OLFM2: variants seen among roughly 807,000 people sequenced by gnomAD.
OLFM2 encodes the protein noelin-2.
A neutral mutation model predicts 43.9 loss-of-function variants in OLFM2; 20 were observed. The observed-to-expected ratio is 0.46, with a 90% CI of 0.32 to 0.66. OLFM2 has a LOEUF of 0.66. Ranked by LOEUF, OLFM2 falls within the 30% of genes least tolerant of loss-of-function variation. The probability of loss-of-function intolerance (pLI) is 0.04; values close to 1 mark genes in which losing one functional copy is unlikely to be tolerated. For synonymous variants in OLFM2, 268 were observed against 278.6 expected, an observed-to-expected ratio of 0.96 and a Z score of 0.38; for missense variants, 416 against 643.6, an observed-to-expected ratio of 0.65 and a Z score of 3.83.
intron 1 of OLFM2, among the ~76,000 whole-genome samples, chr19:9,869,498 A>T (rs2046427074): frequency 6.6e-6 from 1 of 152,216 alleles, no homozygotes; most frequent in South Asian, 2.1e-4. Flanking sequence ...TACAATGGAC[A>T]TGATGACTAC....
intron 1 of OLFM2, among the ~76,000 whole-genome samples, chr19:9,865,485 CTTTTTTT>C (rs71188847): frequency 2.9e-4 from 21 of 73,642 alleles, no homozygotes; most frequent in South Asian, 6.4e-4. Flanking sequence ...TCTGTTTTTT[CTTTTTTT>C]TTTTTTTTTT....
intron 1 of OLFM2, among the ~76,000 whole-genome samples, chr19:9,929,527 T>G (rs2145010795): frequency 6.7e-6 from 1 of 149,392 alleles, no homozygotes; most frequent in South Asian, 2.2e-4. Flanking sequence ...ACTCGGGAGG[T>G]GGAGGTTGCA....
chr19:9,908,464 A>ATT lies in OLFM2; in HGVS notation c.63+27838_63+27839dup, dbSNP rs34305631. On this transcript the variant is annotated intron_variant, in intron 1 of 5. Transcript: ENST00000264833. ...AGGTGCCTGCCATCACACCTGGCTAATTTTTTTTTTTTTTTTTTTTTTTTT... is the reference window on the plus strand; with the variant it reads ...AGGTGCCTGCCATCACACCTGGCTAATTTTTTTTTTTTTTTTTTTTTTTTTTT... Among the ~76,000 whole-genome samples, 42 of 40,368 alleles carry ATT rather than the reference A, an allele frequency of 1.0e-3. 3 individuals are homozygous for ATT. Among genetic ancestry groups the ATT allele is most frequent in the African/African-American group, 1.3e-3 (11 of 8,244 alleles). 26.5% of individuals were successfully genotyped at this position (40,368 alleles called of 152,430 possible).
chr19:9,919,630 C>T lies in OLFM2; in HGVS notation c.63+16674G>A, dbSNP rs181471420. 8.9e-3 allele frequency among the ~76,000 whole-genome samples: 1,319 copies of T among 148,424 alleles called. 12 individuals carry two copies. Among genetic ancestry groups the T allele is most frequent in the African/African-American group, 0.031 (1,249 of 40,186 alleles). On this transcript the variant is annotated intron_variant, in intron 1 of 5. Coordinates refer to ENST00000264833, the MANE Select transcript of OLFM2 (RefSeq NM_058164.4). ...CTGAGTAGCTGGGATTACAGGTGCA[C>T]GCCACCACACCTGGCTAGTTTTTGT...
At chr19:9,931,660 C>T (rs1407115358) in intron 1 of OLFM2, among the ~76,000 whole-genome samples, 2 of 125,698 alleles carry the variant, frequency 1.6e-5, no homozygotes, top group African/African-American at 8.6e-5. Flanking sequence ...GAGATCATCA[C>T]AATACTGTAC....
chr19:9,882,589 A>G (rs1252437692), intron 1 of OLFM2, among the ~76,000 whole-genome samples: 1 of 151,506 alleles, frequency 6.6e-6, no homozygotes, highest in Non-Finnish European at 1.5e-5. Context: ...CACACAATTC[A>G]GCCCATAGCT....
chr19:9,860,738 AG>A lies in OLFM2; in HGVS notation c.119del (p.Pro40LeufsTer10). The A allele has an allele frequency of 6.2e-7, 1 of 1,609,630 alleles. No homozygotes were observed. The stretch of plus-strand genomic sequence containing the variant: ...CGGCCGTGCAGATGCATTTCCCGTC[AG>A]GGGCCTGGGCTGAGGTGTACAGCTG... ...GWQLYTSAQA[P>X]DGKCICTAVI... On this transcript the variant is annotated frameshift_variant, in exon 2 of 6. Transcript: ENST00000264833. LOFTEE classifies it high-confidence loss of function.
intron 1 of OLFM2, among the ~76,000 whole-genome samples, chr19:9,878,387 T>TC (rs2145451674): frequency 7.5e-6 from 1 of 133,692 alleles, no homozygotes; most frequent in African/African-American, 2.8e-5. Context: ...CTCTCTTTTT[T>TC]TTTTTTTTTT....
chr19:9,919,421 C>T (rs1474577135), intron 1 of OLFM2, among the ~76,000 whole-genome samples: 2 of 151,990 alleles, frequency 1.3e-5, no homozygotes, highest in African/African-American at 2.4e-5. Flanking sequence ...CTGCCTCGGC[C>T]TCCCAAAGTG....
In OLFM2 at chr19:9,856,109, T is replaced by C. The variant is rs150769939; in HGVS notation, c.687+698A>G. On this transcript the variant is annotated intron_variant, in intron 5 of 5. Coordinates refer to ENST00000264833, the MANE Select transcript of OLFM2 (RefSeq NM_058164.4). This position sits in a 1 kb window ranked among gnomAD's most constrained non-coding sequence, Gnocchi z 4.0. ...CATTTGTTGTTGTTTTTGTTTTGTT[T>C]TGTTTTGAGACAGAGTTTCACTCGT... Among the ~76,000 whole-genome samples, 4 of 152,282 alleles carry C rather than the reference T, an allele frequency of 2.6e-5. No homozygotes were observed. The highest frequency in any genetic ancestry group is 5.9e-5 in the Non-Finnish European group (4 of 68,012).
chr19:9,872,002 G>A (rs1438087724), intron 1 of OLFM2, among the ~76,000 whole-genome samples: 1 of 152,186 alleles, frequency 6.6e-6, no homozygotes, highest in African/African-American at 2.4e-5. Context: ...GCTGCAGACA[G>A]GTGCCCAGTA....
Position 9,854,026 on chromosome 19 carries a change from A to C in OLFM2, c.*160T>G. The stretch of plus-strand genomic sequence containing the variant: ...GGAGAAGAGGGGAAATTGAAAAAAT[A>C]GACAGAAATACATAGGCAGAGAACA... On this transcript the variant is annotated 3_prime_UTR_variant, in exon 6 of 6. Coordinates refer to ENST00000264833, the MANE Select transcript of OLFM2 (RefSeq NM_058164.4). The surrounding 1 kb of genome is among the most constrained non-coding windows in gnomAD (Gnocchi z 9.5). The C allele has an allele frequency of 9.5e-6, 6 of 631,858 alleles. No homozygotes were observed. In the South Asian group the frequency reaches 1.2e-4, roughly 12 times the overall value. 39.1% of individuals were successfully genotyped at this position (631,858 alleles called of 1,614,324 possible).
At chr19:9,925,795 T>C (rs557047277) in intron 1 of OLFM2, among the ~76,000 whole-genome samples, 2 of 151,628 alleles carry the variant, frequency 1.3e-5, no homozygotes, top group Admixed American at 1.3e-4. Context: ...AAAAAGATAT[T>C]GGTACACCCG....
At chr19:9,918,795 T>C (rs1453977127) in intron 1 of OLFM2, among the ~76,000 whole-genome samples, 1 of 152,162 alleles carries the variant, frequency 6.6e-6, no homozygotes, top group Non-Finnish European at 1.5e-5. Flanking sequence ...ATTCTATTTA[T>C]ACATAATGTC....
chr19:9,909,423 G>A (rs1287989930), intron 1 of OLFM2, among the ~76,000 whole-genome samples: 1 of 152,164 alleles, frequency 6.6e-6, no homozygotes, highest in Admixed American at 6.5e-5. Context: ...CCACAGGGAT[G>A]GTTTATGGCT....
intron 1 of OLFM2, chr19:9,913,690 CCTCGACACCCAGGCGCCCCGGG>C (rs2046848964): frequency 9.2e-7 from 1 of 1,084,052 alleles, no homozygotes; most frequent in African/African-American, 1.7e-5. Flanking sequence ...GCGCTCGGTC[CCTCGACACCCAGGCGCCCCGGG>C]GGGGCGTGGG....
chr19:9,889,988 A>C (rs1390534432), intron 1 of OLFM2, among the ~76,000 whole-genome samples: 1 of 151,886 alleles, frequency 6.6e-6, no homozygotes, highest in Non-Finnish European at 1.5e-5. Flanking sequence ...CTGCCTTGGA[A>C]TATTTGAGTA....
intron 1 of OLFM2, among the ~76,000 whole-genome samples, chr19:9,891,027 T>G (rs867286285): frequency 6.6e-6 from 1 of 151,538 alleles, no homozygotes; most frequent in Non-Finnish European, 1.5e-5. Flanking sequence ...CAGAAGGGCA[T>G]GTTGGGCTGG....
chr19:9,894,851 C>T (rs1440172752), intron 1 of OLFM2, among the ~76,000 whole-genome samples: 1 of 152,140 alleles, frequency 6.6e-6, no homozygotes, highest in Non-Finnish European at 1.5e-5. Flanking sequence ...TCCATCAACA[C>T]CTGCCTGTAT....
Sources: allele counts gnomAD v4.1 joint callset (sites outside exome capture counted in the v4.1 genomes callset), GRCh38; gene constraint gnomAD v4.1.1; non-coding constraint Gnocchi (gnomAD v3.1); transcripts MANE v1.5; gene names NCBI Gene and HGNC (gene_info 2026-07-23, HGNC 2026-07-21).